Variants in SYCP1 observed in about 807,000 individuals in gnomAD.
SYCP1 encodes the protein synaptonemal complex protein 1, also known as cancer/testis antigen 8.
In SYCP1, 64 loss-of-function variants were observed where a neutral mutation model predicts 153.1. The ratio of observed to expected loss-of-function variants is 0.42; its 90% CI spans 0.34 to 0.51. The LOEUF (loss-of-function observed/expected upper bound fraction) is 0.51, where lower values mean the gene tolerates loss of function less well. Ranked by LOEUF, SYCP1 falls within the 20% of genes least tolerant of loss-of-function variation. SYCP1 has a pLI of 0.06. For synonymous variants in SYCP1, 384 were observed against 341.8 expected (o/e 1.12, Z -1.36); for missense variants, 997 against 1,049.0 (o/e 0.95, Z 0.68).
chr1:114,906,336 T>C (rs1204369802), intron 16 of SYCP1, among the ~76,000 whole-genome samples: 1 of 152,140 alleles, frequency 6.6e-6, no homozygotes, highest in Non-Finnish European at 1.5e-5. Flanking sequence ...TTATATTTCA[T>C]TGATTCTTTC....
intron 28 of SYCP1, among the ~76,000 whole-genome samples, chr1:114,980,603 TATGAAAGAGAACGA>T (rs1673087347): frequency 1.3e-5 from 2 of 151,912 alleles, no homozygotes; most frequent in African/African-American, 2.4e-5. Context: ...AGTATCAATG[TATGAAAGAGAACGA>T]ATGAAAGTTA....
At chr1:114,990,987 C>T (rs970825536) in intron 30 of SYCP1, among the ~76,000 whole-genome samples, 8 of 151,932 alleles carry the variant, frequency 5.3e-5, no homozygotes, top group South Asian at 4.1e-4. Flanking sequence ...CCTTGCCCTA[C>T]GCATCTCTTT....
At chr1:114,932,111 A>G (rs1426593968) in intron 23 of SYCP1, among the ~76,000 whole-genome samples, 2 of 152,200 alleles carry the variant, frequency 1.3e-5, no homozygotes, top group African/African-American at 4.8e-5. Context: ...AAGTCTTCAG[A>G]AGAAAACGTA....
intron 16 of SYCP1, among the ~76,000 whole-genome samples, chr1:114,897,152 T>C (rs1667128814): frequency 6.6e-6 from 1 of 152,134 alleles, no homozygotes; most frequent in Non-Finnish European, 1.5e-5. Flanking sequence ...CTAACTGCCA[T>C]TAGAATAAGG....
At chr1:114,880,502 G>A (rs780014849) in intron 12 of SYCP1, among the ~76,000 whole-genome samples, 3 of 152,194 alleles carry the variant, frequency 2.0e-5, no homozygotes, top group Non-Finnish European at 4.4e-5. Flanking sequence ...TTGGGGGTAT[G>A]TTGGGCTGAT....
intron 12 of SYCP1, among the ~76,000 whole-genome samples, chr1:114,884,342 C>T (rs360643): frequency 0.35 from 53,907 of 152,098 alleles, 10,577 homozygotes; most frequent in East Asian, 0.5. Context: ...TGCCCGTGAC[C>T]TTTTCTCTCC....
chr1:114,883,778 C>T (rs553006565), intron 12 of SYCP1, among the ~76,000 whole-genome samples: 5 of 152,266 alleles, frequency 3.3e-5, no homozygotes, highest in Admixed American at 1.3e-4. Context: ...CTGCAACCTC[C>T]GCCTTCCTGG....
At chr1:114,954,930 C>A (rs11811568) in intron 27 of SYCP1, among the ~76,000 whole-genome samples, 7,152 of 152,120 alleles carry the variant, frequency 0.047, 208 homozygotes, top group African/African-American at 0.06. Flanking sequence ...CTTCCAGTAC[C>A]ATGTGGTAGA....
At chr1:114,861,521 C>T (rs1435977629) in intron 8 of SYCP1, among the ~76,000 whole-genome samples, 1 of 152,092 alleles carries the variant, frequency 6.6e-6, no homozygotes, top group Non-Finnish European at 1.5e-5. Context: ...TAATTTGTAT[C>T]ATACAGCTTA....
intron 27 of SYCP1, among the ~76,000 whole-genome samples, chr1:114,957,490 A>G (rs886697442): frequency 6.6e-6 from 1 of 152,246 alleles, no homozygotes; most frequent in Non-Finnish European, 1.5e-5. Context: ...GGAAACAGCA[A>G]AGTGAGAAAA....
chr1:114,974,724 T>C (rs1353460112), intron 27 of SYCP1, among the ~76,000 whole-genome samples: 3 of 151,884 alleles, frequency 2.0e-5, no homozygotes, highest in African/African-American at 7.2e-5. Context: ...TTTTCCTTAT[T>C]ATTTTTCTTT....
chr1:114,989,084 T>C (rs1405986203), intron 30 of SYCP1, among the ~76,000 whole-genome samples: 1 of 151,838 alleles, frequency 6.6e-6, no homozygotes, highest in Non-Finnish European at 1.5e-5. Context: ...TAAGGATCAT[T>C]TGAGCCTGGG....
Position 114,858,552 on chromosome 1 carries a change from A to G in SYCP1, c.297A>G (p.Ser99=). Residue 99 remains serine (S), a synonymous_variant, in exon 6 of 32, where the codon TCA becomes TCG. Transcript: ENST00000369522. The part of the protein sequence containing the change: ...EGLKDSDLEN[S]EGLSRVYSKL... ...TTGAAAACATATTTTAATAGAATTC[A>G]GAGGGATTGAGCAGAGTGTATTCAA... 1.3e-6 allele frequency: 2 copies of G among 1,571,668 alleles called. No homozygotes were observed. The highest frequency in any genetic ancestry group is 1.7e-6 in the Non-Finnish European group (2 of 1,163,268).
At chr1:114,969,832 G>A (rs1483186028) in intron 27 of SYCP1, among the ~76,000 whole-genome samples, 1 of 152,114 alleles carries the variant, frequency 6.6e-6, no homozygotes, top group African/African-American at 2.4e-5. Context: ...GAAAAACATA[G>A]TATCTGGGCC....
intron 8 of SYCP1, 63 bp downstream of exon 8, chr1:114,860,872 G>C (rs1441716736): frequency 4.8e-6 from 6 of 1,242,900 alleles, no homozygotes; most frequent in Non-Finnish European, 6.6e-6. Context: ...GGTGGAGAGG[G>C]AAAGAAATTG....
rs754525268 is a variant in SYCP1, at chr1:114,958,756, TAA to T, written c.2322+11459_2322+11460del. 2.0e-3 allele frequency among the ~76,000 whole-genome samples: 196 copies of T among 96,516 alleles called. 1 individual carries two copies. Among genetic ancestry groups the T allele is most frequent in the Middle Eastern group, 0.011 (2 of 188 alleles). 63.3% of individuals were successfully genotyped at this position (96,516 alleles called of 152,430 possible). A position where few individuals can be genotyped will look rare whatever the true frequency, so the allele number is the denominator to read the frequency against. ...TAACACGGTGAAACCCTGTCTCTACTAAAAAAAAAAAAAAAAAAAAAAAATTA... is the reference window on the plus strand; with the variant it reads ...TAACACGGTGAAACCCTGTCTCTACTAAAAAAAAAAAAAAAAAAAAAATTA... On this transcript the variant is annotated intron_variant, in intron 27 of 31. Coordinates refer to ENST00000369522, the MANE Select transcript of SYCP1 (RefSeq NM_003176.4).
At chr1:114,937,983 G>A (rs1670132179) in intron 23 of SYCP1, among the ~76,000 whole-genome samples, 1 of 152,196 alleles carries the variant, frequency 6.6e-6, no homozygotes, top group Non-Finnish European at 1.5e-5. Context: ...GTGGAAGACA[G>A]TGTGGTGATT....
At chr1:114,886,992 T>C (rs1389712074) in intron 14 of SYCP1, among the ~76,000 whole-genome samples, 1 of 151,940 alleles carries the variant, frequency 6.6e-6, no homozygotes, top group Non-Finnish European at 1.5e-5. Flanking sequence ...AGCATTAGGG[T>C]TAATTAAGTT....
chr1:114,898,969 C>T (rs1667240636), intron 16 of SYCP1, among the ~76,000 whole-genome samples: 1 of 152,194 alleles, frequency 6.6e-6, no homozygotes, highest in Non-Finnish European at 1.5e-5. Context: ...GACCACAGGT[C>T]AGGAACCCTG....
Sources: gnomAD v4.1 joint callset for allele counts (sites outside exome capture counted in the v4.1 genomes callset) on GRCh38, gnomAD v4.1.1 for gene constraint, MANE v1.5 for transcripts, NCBI Gene and HGNC (gene_info 2026-07-23, HGNC 2026-07-21) for gene names.